KCTD15: variants seen among roughly 807,000 people sequenced by gnomAD.
KCTD15 encodes BTB/POZ domain-containing protein KCTD15.
KCTD15 carries 11 observed loss-of-function variants against 27.2 expected under a neutral mutation model. The ratio of observed to expected loss-of-function variants is 0.41; its 90% CI spans 0.25 to 0.67. KCTD15 has a LOEUF of 0.67. Ranked by LOEUF, KCTD15 falls within the 30% of genes least tolerant of loss-of-function variation. The pLI is 0.35. For missense variants in KCTD15, 350 were observed against 409.3 expected (o/e 0.86, Z 1.25); for synonymous variants, 163 against 176.0 (o/e 0.93, Z 0.58).
At chr19:33,809,467 G>A (rs1211091875) in intron 5 of KCTD15, among the ~76,000 whole-genome samples, 2 of 152,198 alleles carry the variant, frequency 1.3e-5, no homozygotes, top group African/African-American at 4.8e-5. Flanking sequence ...GGACCAGGCT[G>A]TGGGAGTGGG....
intron 5 of KCTD15, among the ~76,000 whole-genome samples, chr19:33,809,654 T>C (rs1975825549): frequency 6.6e-6 from 1 of 152,154 alleles, no homozygotes; most frequent in Admixed American, 6.5e-5. Flanking sequence ...GAGGATCATT[T>C]GATCCCAGGA....
Position 33,812,993 on chromosome 19 carries a change from CA to C in KCTD15, c.*46del. ...CTGGGCCCCCCCAGGGACCTGGAAA[CA>C]GTGCTGGGGAGTTCTGCCTGTGTAT... On this transcript the variant is annotated 3_prime_UTR_variant, in exon 7 of 7. Transcript: ENST00000683859. 1 of 1,508,694 alleles carries C rather than the reference CA, an allele frequency of 6.6e-7. No homozygotes were observed. Among genetic ancestry groups the C allele is most frequent in the Non-Finnish European group, 8.9e-7 (1 of 1,123,144 alleles). 93.5% of individuals were successfully genotyped at this position (1,508,694 alleles called of 1,614,324 possible). A position where few individuals can be genotyped will look rare whatever the true frequency, so the allele number is the denominator to read the frequency against.
chr19:33,809,043 G>A (rs1037873741), intron 5 of KCTD15, among the ~76,000 whole-genome samples: 11 of 151,946 alleles, frequency 7.2e-5, no homozygotes, highest in Non-Finnish European at 8.8e-5. Context: ...TTGGGAGGCC[G>A]ATTTAGGTGG....
rs1013372824 is a variant in KCTD15, at chr19:33,811,302, G to A, written c.443G>A (p.Arg148His). The change falls in exon 6 of 7, where the codon CGC becomes CAC. Residue 148 changes from arginine to histidine, a missense_variant. By Grantham distance (29) the Arg-to-His change is conservative. Coordinates refer to ENST00000683859, the MANE Select transcript of KCTD15 (RefSeq NM_001129994.2). ...TACTATCAGCTCCAGCCCATGGTGC[G>A]CGAGCTGGAGCGCTGGCAGCAGGAG... ...ARYYQLQPMVRELERWQQEQE... is the reference protein window; with the variant it reads ...ARYYQLQPMVHELERWQQEQE... 5 of 1,547,706 alleles carry A rather than the reference G, an allele frequency of 3.2e-6. No homozygotes were observed. Among genetic ancestry groups the A allele is most frequent in the African/African-American group, 2.7e-5 (2 of 73,026 alleles).
Position 33,801,323 on chromosome 19 carries a change from A to G in KCTD15, c.223A>G (p.Thr75Ala), listed in dbSNP as rs1363620531. 1 of 1,611,106 alleles carries G rather than the reference A, an allele frequency of 6.2e-7. No individual in the cohort carries two copies. The highest frequency in any genetic ancestry group is 1.7e-4 in the Middle Eastern group (1 of 6,044). ...GTACACCAGCAGCCTGGCCACGCTCACCAAGTACCCTGACTCCAGGTAAGA... is the reference window on the plus strand; with the variant it reads ...GTACACCAGCAGCCTGGCCACGCTCGCCAAGTACCCTGACTCCAGGTAAGA... ...HMYTSSLATL[T>A]KYPDSRISRL... Residue 75 changes from threonine (T) to alanine (A), a missense_variant, in exon 4 of 7, where the codon ACC (threonine) becomes GCC (alanine). By Grantham distance (58) the Thr-to-Ala change is moderately conservative. Coordinates refer to ENST00000683859, the MANE Select transcript of KCTD15 (RefSeq NM_001129994.2).
chr19:33,796,808 C>A, upstream of KCTD15: 1 of 11,608 alleles, frequency 8.6e-5, no homozygotes, highest in East Asian at 3.8e-3. Context: ...CCGCGTGAAG[C>A]GGGGGCCGGG....
chr19:33,798,858 G>C (rs1470173021), intron 2 of KCTD15, 92 bp downstream of exon 2: 3 of 152,368 alleles, frequency 2.0e-5, no homozygotes, highest in African/African-American at 7.2e-5. Context: ...ATGGAGGCTT[G>C]GTGTTCACGT....
At chr19:33,805,631 T>A (rs1410599924) in intron 4 of KCTD15, among the ~76,000 whole-genome samples, 1 of 152,232 alleles carries the variant, frequency 6.6e-6, no homozygotes, top group Non-Finnish European at 1.5e-5. Context: ...GCAGAGAAGC[T>A]GCCACCTTGG....
At chr19:33,803,585 CT>C (rs1240512856) in intron 4 of KCTD15, among the ~76,000 whole-genome samples, 1 of 152,068 alleles carries the variant, frequency 6.6e-6, no homozygotes, top group Non-Finnish European at 1.5e-5. Context: ...GAGTCTCGTG[CT>C]GGGTGACTCC....
chr19:33,804,241 G>C (rs1198955840), intron 4 of KCTD15, among the ~76,000 whole-genome samples: 1 of 152,226 alleles, frequency 6.6e-6, no homozygotes, highest in African/African-American at 2.4e-5. Context: ...CTTGATCCAG[G>C]AGCCTATACT....
chr19:33,806,982 A>G lies in KCTD15; in HGVS notation c.362A>G (p.Lys121Arg). The stretch of plus-strand genomic sequence containing the variant: ...GTCCTGAGCTTCCTGCGGACGTCCA[A>G]GCTGCTGCTTCCGGATGACTTTAAG... ...RYVLSFLRTS[K>R]LLLPDDFKDF... The change falls in exon 5 of 7, where the codon AAG (lysine) becomes AGG (arginine). Residue 121 changes from lysine to arginine, a missense_variant. Lys to Arg is a conservative substitution (Grantham distance 26). Coordinates refer to ENST00000683859, the MANE Select transcript of KCTD15 (RefSeq NM_001129994.2). 6.2e-7 allele frequency: 1 copy of G among 1,614,128 alleles called. No individual in the cohort carries two copies.
intron 4 of KCTD15, among the ~76,000 whole-genome samples, chr19:33,803,242 A>C (rs1238998318): frequency 6.6e-6 from 1 of 151,948 alleles, no homozygotes; most frequent in Non-Finnish European, 1.5e-5. Flanking sequence ...CAGGACAATC[A>C]GGGGACAGGA....
chr19:33,800,319 C>T (rs1055747043), intron 2 of KCTD15, 109 bp from the exon 3 acceptor site: 20 of 866,670 alleles, frequency 2.3e-5, no homozygotes, highest in African/African-American at 8.3e-5. Context: ...GCATGGACCT[C>T]GCAGGGTCTC....
chr19:33,811,112 C>G (rs1210682174), intron 5 of KCTD15, 135 bp from the exon 6 acceptor site: 2 of 736,480 alleles, frequency 2.7e-6, no homozygotes, highest in African/African-American at 3.5e-5. Context: ...GTGCAACCGG[C>G]CCAGTCCACA....
At chr19:33,797,292 G>GCCCA in intron 1 of KCTD15, 1 of 373,498 alleles carries the variant, frequency 2.7e-6, no homozygotes, top group Non-Finnish European at 5.3e-6. Context: ...GTGCGCGCGC[G>GCCCA]CGCGCGCGCG....
At position 33,810,056 on chromosome 19, in the gene KCTD15, G is replaced by A. The variant is rs149608427; in HGVS notation, c.388-1191G>A. On this transcript the variant is annotated intron_variant, in intron 5 of 6. Transcript: ENST00000683859. ...GCGGCCAGCAGGTGGAAGGGACTTAGGGCCTGTAGGTCAGGGGGCTGGGCT... is the reference window on the plus strand; with the variant it reads ...GCGGCCAGCAGGTGGAAGGGACTTAAGGCCTGTAGGTCAGGGGGCTGGGCT... Among the ~76,000 whole-genome samples the A allele has an allele frequency of 3.0e-3, 456 of 152,344 alleles. 1 individual carries two copies. Among genetic ancestry groups the A allele is most frequent in the Non-Finnish European group, 5.4e-3 (366 of 68,028 alleles).
upstream of KCTD15, among the ~76,000 whole-genome samples, chr19:33,794,237 C>A (rs943667743): frequency 6.6e-6 from 1 of 152,114 alleles, no homozygotes; most frequent in Non-Finnish European, 1.5e-5. Context: ...AATCTCATGG[C>A]CTTGAGGCAA....
chr19:33,812,652 G>C (rs1295475500), intron 6 of KCTD15, 138 bp from the exon 7 acceptor site: 25 of 1,360,598 alleles, frequency 1.8e-5, no homozygotes, highest in Non-Finnish European at 2.4e-5. Context: ...AGGGACCTTT[G>C]TCAGTGAGCA....
Position 33,813,651 on chromosome 19 carries a change from A to G in KCTD15, c.*703A>G. On this transcript the variant is annotated 3_prime_UTR_variant, in exon 7 of 7. Transcript: ENST00000683859. ...TGCTGCCGTTGGGGGCTCAGGCTGC[A>G]CTCCCCGGGTCACCTGACCTGCTGC... is the stretch of plus-strand genomic sequence containing the variant. 2 of 307,120 alleles carry G rather than the reference A, an allele frequency of 6.5e-6. No homozygotes were observed. The highest frequency in any genetic ancestry group is 6.4e-6 in the Non-Finnish European group (1 of 155,678). The allele number at this position is 307,120 out of a possible 1,614,324, so 19.0% of individuals were successfully genotyped here.
Sources: allele counts gnomAD v4.1 joint callset (sites outside exome capture counted in the v4.1 genomes callset), GRCh38; gene constraint gnomAD v4.1.1; transcripts MANE v1.5; gene names NCBI Gene and HGNC (gene_info 2026-07-23, HGNC 2026-07-21).